PCNX1: variants seen among roughly 807,000 people sequenced by gnomAD.
PCNX1 encodes pecanex-like protein 1.
A neutral mutation model predicts 242.2 loss-of-function variants in PCNX1; 78 were observed. That is an observed-to-expected ratio of 0.32 (90% confidence interval 0.27 to 0.39). The LOEUF (loss-of-function observed/expected upper bound fraction) is 0.39. Among genes scored for constraint, PCNX1 ranks in the 10% least tolerant of loss-of-function variants. PCNX1 has a pLI of 1.00. For synonymous variants in PCNX1, 1,024 were observed against 1,032.9 expected (o/e 0.99, Z 0.17); for missense variants, 2,581 against 2,856.5 (o/e 0.90, Z 2.20).
rs754624410 is a variant in PCNX1, at chr14:70,982,210, G to A, written c.2311+3562G>A. On this transcript the variant is annotated intron_variant, in intron 6 of 35. Coordinates refer to ENST00000304743, the MANE Select transcript of PCNX1 (RefSeq NM_014982.3). ...GTAAACAGACAATAAAATGCAAATT[G>A]TAGCTTTTGTACTTTACTAAATAGA... 2.0e-5 allele frequency among the ~76,000 whole-genome samples: 3 copies of A among 152,134 alleles called. No individual in the cohort carries two copies. In the East Asian group the frequency reaches 5.8e-4, roughly 29 times the overall value.
At chr14:70,968,085 A>T (rs2058434936) in intron 3 of PCNX1, 113 bp from the exon 4 acceptor site, 2 of 780,942 alleles carry the variant, frequency 2.6e-6, no homozygotes, top group African/African-American at 1.7e-5. Context: ...GATAAAAATG[A>T]TCGATAACAT....
chr14:71,082,888 T>C (rs142786262), intron 28 of PCNX1, among the ~76,000 whole-genome samples: 1 of 152,328 alleles, frequency 6.6e-6, no homozygotes, highest in East Asian at 1.9e-4. Flanking sequence ...ATCCTATCAT[T>C]ATGATGTTAG....
chr14:71,002,738 G>A (rs1566683871), intron 8 of PCNX1, among the ~76,000 whole-genome samples: 1 of 152,162 alleles, frequency 6.6e-6, no homozygotes, highest in Non-Finnish European at 1.5e-5. Flanking sequence ...TGAGCAGGCT[G>A]TATATTGCTT....
At chr14:70,993,078 A>G (rs183498757) in intron 7 of PCNX1, among the ~76,000 whole-genome samples, 91 of 151,874 alleles carry the variant, frequency 6.0e-4, no homozygotes, top group Non-Finnish European at 1.2e-3. Context: ...GTATTTTGAG[A>G]TTAAAATTTA....
intron 2 of PCNX1, among the ~76,000 whole-genome samples, chr14:70,949,237 ATATACACACGTG>A (rs1464938775): frequency 6.9e-6 from 1 of 145,394 alleles, no homozygotes; most frequent in Non-Finnish European, 1.5e-5. Flanking sequence ...ATGTATGTGT[ATATACACACGTG>A]TATACACACA....
intron 6 of PCNX1, among the ~76,000 whole-genome samples, chr14:70,979,073 T>TGAGTTTTACAA (rs1566652385): frequency 5.9e-5 from 9 of 152,338 alleles, no homozygotes; most frequent in Admixed American, 2.0e-4. Context: ...TCACTCAGCC[T>TGAGTTTTACAA]ATTATATAAG....
rs562198690 is a variant in PCNX1 at position 71,017,903 on chromosome 14, G to T, written c.2997-1106G>T. ...AGATGTTTATGAATTTTATTTTTAG[G>T]CCCAGTTGATTGTGATAAATATGGA... On this transcript the variant is annotated intron_variant, in intron 11 of 35. Coordinates refer to ENST00000304743, the MANE Select transcript of PCNX1 (RefSeq NM_014982.3). 2.0e-5 allele frequency among the ~76,000 whole-genome samples: 3 copies of T among 152,186 alleles called. No homozygotes were observed. The East Asian group carries it at 5.8e-4, about 29-fold the overall frequency.
At chr14:70,929,534 G>A (rs1267100731) in intron 1 of PCNX1, among the ~76,000 whole-genome samples, 3 of 152,082 alleles carry the variant, frequency 2.0e-5, no homozygotes, top group African/African-American at 7.2e-5. Flanking sequence ...TGTTACTAGG[G>A]TTATAACTTA....
At chr14:71,068,046 G>A (rs2061491456) in intron 26 of PCNX1, among the ~76,000 whole-genome samples, 1 of 152,068 alleles carries the variant, frequency 6.6e-6, no homozygotes, top group African/African-American at 2.4e-5. Context: ...GACTAAGTGG[G>A]TTGGGCACAG....
intron 30 of PCNX1, among the ~76,000 whole-genome samples, chr14:71,098,361 C>A (rs1255228241): frequency 6.6e-6 from 1 of 151,968 alleles, no homozygotes; most frequent in African/African-American, 2.4e-5. Context: ...CTGTAGATTG[C>A]CTTGGGCAGT....
intron 2 of PCNX1, among the ~76,000 whole-genome samples, chr14:70,949,460 A>G (rs562618164): frequency 1.3e-5 from 2 of 151,858 alleles, no homozygotes; most frequent in Admixed American, 6.6e-5. Context: ...TAATATACAC[A>G]TACGCATGTG....
rs202221199 is a variant in PCNX1 at position 70,949,022 on chromosome 14, ATGTG to A, written c.362+1905_362+1908del. Among the ~76,000 whole-genome samples, 743 of 148,686 alleles carry A rather than the reference ATGTG, an allele frequency of 5.0e-3. 2 individuals are homozygous for A. Among genetic ancestry groups the A allele is most frequent in the Non-Finnish European group, 8.1e-3 (545 of 66,944 alleles). ...ATTTTTATTTACTCGTATAAATAAAATGTGTGTGTATATATACACATGTATATAT... is the reference window on the plus strand; with the variant it reads ...ATTTTTATTTACTCGTATAAATAAAATGTGTATATATACACATGTATATAT... On this transcript the variant is annotated intron_variant, in intron 2 of 35. Coordinates refer to ENST00000304743, the MANE Select transcript of PCNX1 (RefSeq NM_014982.3).
chr14:71,057,781 T>G lies in PCNX1; in HGVS notation c.4852+57T>G, dbSNP rs1413946982. On this transcript the variant is annotated intron_variant, in intron 26 of 35. Coordinates refer to ENST00000304743, the MANE Select transcript of PCNX1 (RefSeq NM_014982.3). ...GCATACTCCTGTGGCACCTTAGTTT[T>G]ACATGTTTCTATCTCAAACCAGAAG... is the stretch of plus-strand genomic sequence containing the variant. 7 of 1,140,712 alleles carry G rather than the reference T, an allele frequency of 6.1e-6. No individual in the cohort carries two copies. The Admixed American group carries it at 1.3e-4, about 22-fold the overall frequency. 70.7% of individuals were successfully genotyped at this position (1,140,712 alleles called of 1,614,324 possible). A position where few individuals can be genotyped will look rare whatever the true frequency, so the allele number is the denominator to read the frequency against.
chr14:71,027,171 A>G (rs939424049), intron 15 of PCNX1: 4 of 258,772 alleles, frequency 1.5e-5, no homozygotes, highest in Non-Finnish European at 3.0e-5. Context: ...GAGCCTACAT[A>G]TACTTAAGAG....
At chr14:70,910,418 T>C (rs901383242) in intron 1 of PCNX1, among the ~76,000 whole-genome samples, 3 of 151,804 alleles carry the variant, frequency 2.0e-5, no homozygotes, top group Admixed American at 1.3e-4. Flanking sequence ...TGCCCTCTCC[T>C]GTGTCTCTCT....
intron 7 of PCNX1, among the ~76,000 whole-genome samples, chr14:70,993,317 C>T (rs528238487): frequency 2.6e-5 from 4 of 151,302 alleles, no homozygotes; most frequent in South Asian, 4.2e-4. Flanking sequence ...TTAGTAGAGA[C>T]GGGGTTTCAC....
At chr14:71,087,911 T>G (rs1162767135) in intron 28 of PCNX1, among the ~76,000 whole-genome samples, 2 of 152,002 alleles carry the variant, frequency 1.3e-5, no homozygotes, top group African/African-American at 4.8e-5. Context: ...ATAGGCTAAC[T>G]CACCTGCCAC....
chr14:71,033,018 A>G (rs550097932), intron 16 of PCNX1, among the ~76,000 whole-genome samples: 8 of 152,202 alleles, frequency 5.3e-5, no homozygotes, highest in Non-Finnish European at 1.0e-4. Context: ...CTAATATATC[A>G]TGTGTTGTCT....
chr14:70,935,459 G>C (rs2056963805), intron 1 of PCNX1, among the ~76,000 whole-genome samples: 1 of 152,186 alleles, frequency 6.6e-6, no homozygotes. Context: ...GTTGGCCACT[G>C]CTCTTAGCAA....
Sources: gnomAD v4.1 joint callset for allele counts (sites outside exome capture counted in the v4.1 genomes callset) on GRCh38, gnomAD v4.1.1 for gene constraint, MANE v1.5 for transcripts, NCBI Gene and HGNC (gene_info 2026-07-23, HGNC 2026-07-21) for gene names.